The following GON4L variants were observed in gnomAD, a reference collection of about 807,000 sequenced individuals.
GON4L encodes the protein GON-4-like protein.
Under a neutral mutation model 211.8 loss-of-function variants are expected in GON4L, and 87 were observed. That is an observed-to-expected ratio of 0.41 (90% CI 0.35 to 0.49). The LOEUF (loss-of-function observed/expected upper bound fraction) is 0.49, where lower values mean the gene tolerates loss of function less well. GON4L is among the 20% of genes least tolerant of loss of function. The pLI, the probability that GON4L is intolerant of heterozygous loss-of-function variation, is 0.15. For synonymous variants in GON4L, 875 were observed against 962.6 expected (o/e 0.91, Z 1.68); for missense variants, 2,155 against 2,659.5 (o/e 0.81, Z 4.17).
At chr1:155,829,365 G>C (rs1237630643) in intron 2 of GON4L, among the ~76,000 whole-genome samples, 4 of 152,264 alleles carry the variant, frequency 2.6e-5, no homozygotes, top group South Asian at 4.1e-4. Context: ...TAGCACTTTG[G>C]GAGGCCAAGG....
intron 11 of GON4L, among the ~76,000 whole-genome samples, chr1:155,801,032 C>T (rs1666605977): frequency 6.8e-6 from 1 of 147,364 alleles, no homozygotes; most frequent in Admixed American, 6.9e-5. Flanking sequence ...ACTATCTGTC[C>T]TTGGGCAACC....
chr1:155,784,714 T>C (rs1217471372), intron 13 of GON4L: 2 of 167,974 alleles, frequency 1.2e-5, no homozygotes, highest in African/African-American at 4.8e-5. Flanking sequence ...ATGAAAAATC[T>C]TTTGAAACAA....
chr1:155,787,145 C>T (rs908506094), intron 12 of GON4L, among the ~76,000 whole-genome samples: 3 of 151,480 alleles, frequency 2.0e-5, no homozygotes, highest in African/African-American at 4.8e-5. Context: ...CTCCTGACCT[C>T]GTGATCCACC....
intron 2 of GON4L, among the ~76,000 whole-genome samples, chr1:155,831,859 G>A (rs1161358092): frequency 6.6e-6 from 1 of 152,022 alleles, no homozygotes; most frequent in Non-Finnish European, 1.5e-5. Context: ...ACTATAGCCT[G>A]GATGACAGGG....
rs369974484 is a variant in GON4L at position 155,762,345 on chromosome 1, G to A, written c.4756C>T (p.Arg1586Trp). 1.4e-4 allele frequency: 227 copies of A among 1,612,144 alleles called. 1 individual carries two copies. The highest frequency in any genetic ancestry group is 1.8e-4 in the Non-Finnish European group (212 of 1,178,490). ...TTGTTGCGAGCTCGATGATTGTTCC[G>A]GCCTTTTCCAGCAGCTTTGATGCTC... ...GESIKAAGKG[R>W]NNHRARNKRG... Residue 1586 changes from arginine to tryptophan, a missense_variant, in exon 23 of 32, where the codon CGG becomes TGG. Physicochemically the swap from Arg to Trp is moderately radical, Grantham distance 101. Transcript: ENST00000368331.
intron 19 of GON4L, among the ~76,000 whole-genome samples, chr1:155,768,199 G>A (rs564758063): frequency 2.9e-4 from 44 of 150,822 alleles, no homozygotes; most frequent in African/African-American, 8.3e-4. Context: ...GCTACTCAGC[G>A]GGCTGAGGCA....
chr1:155,802,588 C>G (rs1666781207), intron 11 of GON4L, among the ~76,000 whole-genome samples: 1 of 152,112 alleles, frequency 6.6e-6, no homozygotes, highest in Non-Finnish European at 1.5e-5. Context: ...TTACCCTGTC[C>G]TCTTCTAAAA....
intron 28 of GON4L, chr1:155,754,088 A>G (rs931552346): frequency 1.6e-5 from 7 of 431,534 alleles, no homozygotes; most frequent in African/African-American, 1.4e-4. Flanking sequence ...TGTAGAGACT[A>G]TTTTCACGAC....
rs1338771925 is a variant in GON4L, at chr1:155,773,047, C to T, written c.2495+19G>A. On this transcript the variant is annotated intron_variant, in intron 18 of 31. Transcript: ENST00000368331. ...CTTGGGATGTTCTGCTGTTTTGATC[C>T]CCCAGAGTAAACACTTACTTGTCCT... 1.2e-6 allele frequency: 2 copies of T among 1,611,634 alleles called. No homozygotes were observed. Among genetic ancestry groups the T allele is most frequent in the South Asian group, 2.2e-5 (2 of 90,986 alleles).
chr1:155,773,471 TA>T, intron 17 of GON4L: 1 of 481,712 alleles, frequency 2.1e-6, no homozygotes. Flanking sequence ...AACAAACACT[TA>T]AAAAGCACCT....
intron 14 of GON4L, among the ~76,000 whole-genome samples, chr1:155,782,960 A>T (rs1021306826): frequency 3.3e-5 from 5 of 152,130 alleles, no homozygotes; most frequent in Admixed American, 6.6e-5. Context: ...CGCCCAGCCT[A>T]CACTTCCCAA....
At chr1:155,822,240 T>C (rs1305876905) in intron 4 of GON4L, 46 bp downstream of exon 4, 1 of 1,474,430 alleles carries the variant, frequency 6.8e-7, no homozygotes, top group Non-Finnish European at 9.5e-7. Context: ...ATGCTTTCCA[T>C]GAAAAAGTTC....
intron 1 of GON4L, 89 bp from the exon 2 acceptor site, chr1:155,853,895 C>T (rs1470892741): frequency 2.3e-6 from 2 of 863,842 alleles, no homozygotes; most frequent in East Asian, 5.3e-5. Flanking sequence ...CATGTTCGAT[C>T]ATGAACACAA....
chr1:155,789,158 C>A (rs1350431826), intron 12 of GON4L, among the ~76,000 whole-genome samples: 2 of 151,090 alleles, frequency 1.3e-5, no homozygotes, highest in African/African-American at 2.4e-5. Flanking sequence ...TTGGAAGGGG[C>A]ATGAGGAAAC....
chr1:155,856,332 A>C (rs1385503834), intron 1 of GON4L, among the ~76,000 whole-genome samples: 1 of 151,188 alleles, frequency 6.6e-6, no homozygotes, highest in Non-Finnish European at 1.5e-5. Context: ...GGCTCCAGTG[A>C]CCCTCTGGCC....
At chr1:155,745,623 C>T (rs1660229325), downstream of GON4L, among the ~76,000 whole-genome samples, 1 of 152,066 alleles carries the variant, frequency 6.6e-6, no homozygotes, top group East Asian at 1.9e-4. Flanking sequence ...AGCCCCGCCT[C>T]TCGCGGCAAC....
rs1261312426 is a variant in GON4L at position 155,824,181 on chromosome 1, G to A, written c.698-1705C>T. On this transcript the variant is annotated intron_variant, in intron 3 of 31. Transcript: ENST00000368331. ...GTTTGCACCTGTGACCCAGCACTTT[G>A]GGAAGCCAAGGCGGGCAGATCATTT... 4.0e-5 allele frequency among the ~76,000 whole-genome samples: 6 copies of A among 151,768 alleles called. No individual in the cohort carries two copies. The East Asian group carries it at 9.7e-4, about 24-fold the overall frequency.
intron 19 of GON4L, among the ~76,000 whole-genome samples, chr1:155,770,724 C>G (rs1663104496): frequency 6.6e-6 from 1 of 152,062 alleles, no homozygotes; most frequent in African/African-American, 2.4e-5. Flanking sequence ...TGGTGCATGC[C>G]TGTAATCCAA....
chr1:155,767,203 T>C (rs1662605506), intron 20 of GON4L: 1 of 1,136,728 alleles, frequency 8.8e-7, no homozygotes, highest in Admixed American at 2.8e-5. Context: ...GAAACTTCTG[T>C]GAATTTCCTT....
Sources: allele counts gnomAD v4.1 joint callset (sites outside exome capture counted in the v4.1 genomes callset), GRCh38; gene constraint gnomAD v4.1.1; transcripts MANE v1.5; gene names NCBI Gene and HGNC (gene_info 2026-07-23, HGNC 2026-07-21).